Variants in HIP1 observed in about 807,000 individuals in gnomAD.
HIP1 encodes the protein huntingtin interacting protein 1.
Under a neutral mutation model 147.6 loss-of-function variants are expected in HIP1, and 65 were observed. That is an observed-to-expected ratio of 0.44 (90% CI 0.36 to 0.54). The LOEUF (loss-of-function observed/expected upper bound fraction) is 0.54, where lower values mean the gene tolerates loss of function less well. HIP1 is among the 20% of genes least tolerant of loss of function. HIP1 has a pLI of 0.00. For synonymous variants in HIP1, 479 were observed against 504.0 expected (o/e 0.95, Z 0.67); for missense variants, 1,061 against 1,299.6 (o/e 0.82, Z 2.82).
At chr7:75,594,939 GGACAA>G (rs1469393708) in intron 2 of HIP1, among the ~76,000 whole-genome samples, 1 of 152,186 alleles carries the variant, frequency 6.6e-6, no homozygotes, top group African/African-American at 2.4e-5. Flanking sequence ...TCAGTTGTTA[GGACAA>G]CTCTGTGCCC....
chr7:75,536,545 G>T lies in HIP1; in HGVS notation c.*1627C>A, dbSNP rs1794091096. 4.3e-6 allele frequency: 1 copy of T among 230,846 alleles called. No homozygotes were observed. The highest frequency in any genetic ancestry group is 1.8e-4 in the South Asian group (1 of 5,522). 14.3% of individuals were successfully genotyped at this position (230,846 alleles called of 1,614,324 possible). A position where few individuals can be genotyped will look rare whatever the true frequency, so the allele number is the denominator to read the frequency against. On this transcript the variant is annotated 3_prime_UTR_variant, in exon 31 of 31. Transcript: ENST00000336926. ...ATCAGAAGGTCACTTAAATGCTGGG[G>T]TCCATCTAGAAGAGGAAAAGTGCTG...
chr7:75,664,006 GTA>G lies in HIP1; in HGVS notation c.121-64761_121-64760del, dbSNP rs1168822220. Among the ~76,000 whole-genome samples the G allele has an allele frequency of 2.2e-3, 40 of 18,178 alleles. 4 individuals are homozygous for G. Among genetic ancestry groups the G allele is most frequent in the Non-Finnish European group, 2.8e-3 (32 of 11,586 alleles). 11.9% of individuals were successfully genotyped at this position (18,178 alleles called of 152,430 possible). Reference sequence around the variant, plus strand: ...TGTGTATATATATACACATATATGTGTATATATATACACATATATGTGTATAT... The same window carrying G: ...TGTGTATATATATACACATATATGTGTATATATACACATATATGTGTATAT... On this transcript the variant is annotated intron_variant, in intron 1 of 30. Transcript: ENST00000336926.
At chr7:75,706,473 C>CTTTTTTTTTT (rs139655610) in intron 1 of HIP1, among the ~76,000 whole-genome samples, 3 of 138,108 alleles carry the variant, frequency 2.2e-5, no homozygotes, top group African/African-American at 5.5e-5. Flanking sequence ...TATATATCTT[C>CTTTTTTTTTT]TTTTTTTTTA....
intron 1 of HIP1, among the ~76,000 whole-genome samples, chr7:75,616,202 C>T (rs2117075705): frequency 6.6e-6 from 1 of 152,108 alleles, no homozygotes; most frequent in East Asian, 1.9e-4. Flanking sequence ...TGCTAGGGGT[C>T]CAAACCACCG....
intron 2 of HIP1, among the ~76,000 whole-genome samples, chr7:75,596,510 C>T (rs1261504827): frequency 2.0e-5 from 3 of 152,128 alleles, no homozygotes; most frequent in African/African-American, 7.2e-5. Flanking sequence ...CCACAGCCTC[C>T]CAAGTAGCTG....
At position 75,554,469 on chromosome 7, in the gene HIP1, C is replaced by T. The variant is rs1554492795; in HGVS notation, c.2021G>A (p.Ser674Asn). The change falls in exon 20 of 31, where the codon AGC becomes AAC. Residue 674 changes from serine (S) to asparagine (N), a missense_variant. Transcript: ENST00000336926. ...ISSCIEQLEKSWSQYLACPED... is the reference protein window; with the variant it reads ...ISSCIEQLEKNWSQYLACPED... ...TGGGCAGGCCAGATACTGGCTCCAG[C>T]TTTTCTCCAGTTGCTCGATGCAGCT... The T allele has an allele frequency of 1.2e-6, 2 of 1,613,986 alleles. No homozygotes were observed. Among genetic ancestry groups the T allele is most frequent in the South Asian group, 2.2e-5 (2 of 91,076 alleles).
At chr7:75,662,695 G>C (rs181135471) in intron 1 of HIP1, among the ~76,000 whole-genome samples, 29 of 152,052 alleles carry the variant, frequency 1.9e-4, no homozygotes, top group Non-Finnish European at 3.8e-4. Context: ...TAGTAGAGAC[G>C]GGATTTCACC....
At chr7:75,678,909 C>A (rs1337284154) in intron 1 of HIP1, among the ~76,000 whole-genome samples, 2 of 152,122 alleles carry the variant, frequency 1.3e-5, no homozygotes, top group African/African-American at 4.8e-5. Flanking sequence ...CCTTGATAAG[C>A]AAGAAGGTAA....
At chr7:75,602,303 CTT>C (rs67019261) in intron 1 of HIP1, among the ~76,000 whole-genome samples, 6 of 77,276 alleles carry the variant, frequency 7.8e-5, no homozygotes, top group Admixed American at 3.8e-4. Flanking sequence ...ACCTGGCCAG[CTT>C]TTTTTTTTTT....
At chr7:75,659,368 CAT>C (rs1212703546) in intron 1 of HIP1, among the ~76,000 whole-genome samples, 1 of 152,146 alleles carries the variant, frequency 6.6e-6, no homozygotes, top group Non-Finnish European at 1.5e-5. Context: ...TTATTAGAAA[CAT>C]AAGCAGGGCC....
intron 1 of HIP1, among the ~76,000 whole-genome samples, chr7:75,607,228 G>GTTTTTTTTT (rs202211589): frequency 7.2e-6 from 1 of 139,462 alleles, no homozygotes; most frequent in African/African-American, 2.9e-5. Flanking sequence ...GTTGTTTTTT[G>GTTTTTTTTT]TTTTGTTTTT....
At chr7:75,675,545 T>C (rs545992697) in intron 1 of HIP1, among the ~76,000 whole-genome samples, 5 of 152,276 alleles carry the variant, frequency 3.3e-5, no homozygotes, top group South Asian at 4.1e-4. Flanking sequence ...TTCAATTCTG[T>C]CATTTTCTTT....
chr7:75,642,040 A>G (rs545214108), intron 1 of HIP1, among the ~76,000 whole-genome samples: 99 of 152,248 alleles, frequency 6.5e-4, no homozygotes, highest in African/African-American at 2.3e-3. Context: ...CTTCCTGTCC[A>G]ATTCATCCTA....
At chr7:75,613,662 G>A (rs74706424) in intron 1 of HIP1, among the ~76,000 whole-genome samples, 1,712 of 152,208 alleles carry the variant, frequency 0.011, 35 homozygotes, top group African/African-American at 0.039. Context: ...ATCTGAGAGC[G>A]CCTCCTCTCC....
At chr7:75,684,757 C>T (rs990815268) in intron 1 of HIP1, among the ~76,000 whole-genome samples, 5 of 152,104 alleles carry the variant, frequency 3.3e-5, no homozygotes, top group African/African-American at 1.2e-4. Flanking sequence ...GTTCACATGT[C>T]CCTAGAAGGG....
Position 75,628,171 on chromosome 7 carries a change from A to G in HIP1, c.121-28924T>C, listed in dbSNP as rs1026875171. Among the ~76,000 whole-genome samples, 12 of 152,158 alleles carry G rather than the reference A, an allele frequency of 7.9e-5. No individual in the cohort carries two copies. The East Asian group carries it at 1.9e-3, about 24-fold the overall frequency. ...TTTACATTTATTGCTATTATCTATG[A>G]CTCATCCCCTCAGTCCCTGCAGGAG... On this transcript the variant is annotated intron_variant, in intron 1 of 30. Coordinates refer to ENST00000336926, the MANE Select transcript of HIP1 (RefSeq NM_005338.7).
intron 1 of HIP1, among the ~76,000 whole-genome samples, chr7:75,639,738 C>T (rs1216887664): frequency 1.3e-5 from 2 of 151,888 alleles, no homozygotes; most frequent in Admixed American, 1.3e-4. Flanking sequence ...CCAGTGGGGG[C>T]AGGGGGTCCG....
chr7:75,559,703 G>GGGCGGGCC, intron 14 of HIP1, 29 bp downstream of exon 14: 1 of 1,195,144 alleles, frequency 8.4e-7, no homozygotes, highest in Non-Finnish European at 1.2e-6. Flanking sequence ...TGCCCCCGGG[G>GGGCGGGCC]CCCGCCCCCG....
intron 22 of HIP1, among the ~76,000 whole-genome samples, chr7:75,551,077 G>A (rs1794764051): frequency 6.6e-6 from 1 of 151,764 alleles, no homozygotes; most frequent in South Asian, 2.1e-4. Context: ...CACAGAATGT[G>A]GAGTGAAAAA....
Sources: gnomAD v4.1 joint callset for allele counts (sites outside exome capture counted in the v4.1 genomes callset) on GRCh38, gnomAD v4.1.1 for gene constraint, MANE v1.5 for transcripts, NCBI Gene and HGNC (gene_info 2026-07-23, HGNC 2026-07-21) for gene names.